Variants in TMEM178B observed in about 807,000 individuals in gnomAD.
TMEM178B encodes the protein transmembrane protein 178B.
A neutral mutation model predicts 31.0 loss-of-function variants in TMEM178B; 5 were observed. The ratio of observed to expected loss-of-function variants is 0.16; its 90% confidence interval spans 0.08 to 0.34. The LOEUF is 0.34. Ranked by LOEUF, TMEM178B falls within the 10% of genes least tolerant of loss-of-function variation. TMEM178B has a pLI of 1.00. For synonymous variants in TMEM178B, 164 were observed against 164.0 expected (o/e 1.00, Z 0.00); for missense variants, 275 against 400.3 (o/e 0.69, Z 2.67).
chr7:141,363,128 C>T (rs1158867642), intron 2 of TMEM178B, among the ~76,000 whole-genome samples: 1 of 152,118 alleles, frequency 6.6e-6, no homozygotes, highest in South Asian at 2.1e-4. Flanking sequence ...GGCCCTAACA[C>T]CAAATAGCTC....
chr7:141,401,886 C>T lies in TMEM178B; in HGVS notation c.497-35722C>T, dbSNP rs77832507. Among the ~76,000 whole-genome samples, 296 of 152,286 alleles carry T rather than the reference C, an allele frequency of 1.9e-3. 2 individuals are homozygous for T. The East Asian group carries it at 0.041, about 21-fold the overall frequency. ...CAAAAATCGAACCAACGTGCACTCCCCTAAAACATCAGATAACTCCGGGTA... is the reference window on the plus strand; with the variant it reads ...CAAAAATCGAACCAACGTGCACTCCTCTAAAACATCAGATAACTCCGGGTA... On this transcript the variant is annotated intron_variant, in intron 2 of 3. Transcript: ENST00000565468.
intron 2 of TMEM178B, among the ~76,000 whole-genome samples, chr7:141,327,870 A>G (rs192429262): frequency 3.2e-4 from 49 of 152,318 alleles, no homozygotes; most frequent in Admixed American, 8.5e-4. Context: ...ACATCCATAT[A>G]GAGTGTGTGT....
At chr7:141,208,195 TTAAA>T (rs34234324) in intron 1 of TMEM178B, among the ~76,000 whole-genome samples, 96,443 of 149,740 alleles carry the variant, frequency 0.64, 31,604 homozygotes, top group Non-Finnish European at 0.69. Flanking sequence ...CCAGTCTCTT[TTAAA>T]TAAATAAATA....
intron 2 of TMEM178B, among the ~76,000 whole-genome samples, chr7:141,213,615 A>G (rs1277385276): frequency 6.6e-6 from 1 of 152,186 alleles, no homozygotes; most frequent in South Asian, 2.1e-4. Context: ...TTTATTGGTA[A>G]ACTTTGAAGA....
chr7:141,233,315 G>A (rs949726691), intron 2 of TMEM178B, among the ~76,000 whole-genome samples: 1 of 152,256 alleles, frequency 6.6e-6, no homozygotes, highest in Non-Finnish European at 1.5e-5. Flanking sequence ...AAGAATGTGA[G>A]AGTGGTTGTT....
intron 2 of TMEM178B, among the ~76,000 whole-genome samples, chr7:141,311,359 T>C (rs1406021920): frequency 1.3e-5 from 2 of 152,252 alleles, no homozygotes; most frequent in African/African-American, 4.8e-5. Flanking sequence ...GTTTTAATTT[T>C]AAATTAGTAG....
intron 3 of TMEM178B, among the ~76,000 whole-genome samples, chr7:141,451,368 C>T (rs1268102470): frequency 3.9e-5 from 6 of 152,198 alleles, no homozygotes; most frequent in East Asian, 1.9e-4. Context: ...TTTAATACTG[C>T]GTGCTCAGTT....
chr7:141,080,138 A>G lies in TMEM178B; in HGVS notation c.382+5446A>G, dbSNP rs1357104586. On this transcript the variant is annotated intron_variant, in intron 1 of 3. Coordinates refer to ENST00000565468, the MANE Select transcript of TMEM178B (RefSeq NM_001195278.2). ...TTTTGAAGCTCACTGACCAAAGTGC[A>G]TACACATTTTGTCATATAACTTTTG... 3.3e-5 allele frequency among the ~76,000 whole-genome samples: 5 copies of G among 152,264 alleles called. No homozygotes were observed. In the East Asian group the frequency reaches 5.8e-4, roughly 18 times the overall value.
At chr7:141,402,319 G>A (rs369196195) in intron 2 of TMEM178B, among the ~76,000 whole-genome samples, 1 of 152,246 alleles carries the variant, frequency 6.6e-6, no homozygotes, top group Admixed American at 6.5e-5. Flanking sequence ...CTTGTCTGGT[G>A]TGTGGTATTG....
At chr7:141,130,434 AT>A (rs1795575754) in intron 1 of TMEM178B, among the ~76,000 whole-genome samples, 1 of 152,174 alleles carries the variant, frequency 6.6e-6, no homozygotes, top group African/African-American at 2.4e-5. Flanking sequence ...ATAGTATGTG[AT>A]CTTTTATGTT....
At chr7:141,086,075 C>T (rs902873160) in intron 1 of TMEM178B, among the ~76,000 whole-genome samples, 2 of 152,046 alleles carry the variant, frequency 1.3e-5, no homozygotes, top group Admixed American at 6.5e-5. Flanking sequence ...CTTACTCTGT[C>T]GCTCAGGCTG....
intron 3 of TMEM178B, among the ~76,000 whole-genome samples, chr7:141,446,181 G>A (rs1196012596): frequency 6.6e-6 from 1 of 152,130 alleles, no homozygotes; most frequent in Non-Finnish European, 1.5e-5. Flanking sequence ...CAGCAGGAGG[G>A]CCTCATTTTC....
the TMEM178B span, among the ~76,000 whole-genome samples, chr7:141,487,554 A>G: frequency 2.0e-5 from 3 of 151,976 alleles, no homozygotes; most frequent in African/African-American, 4.8e-5. Flanking sequence ...AGCCTGGCCA[A>G]CATAGTGAAA....
At chr7:141,274,935 C>T (rs1192590562) in intron 2 of TMEM178B, among the ~76,000 whole-genome samples, 1 of 152,152 alleles carries the variant, frequency 6.6e-6, no homozygotes, top group African/African-American at 2.4e-5. Flanking sequence ...CGAGTGAAGT[C>T]CCAAAAACAT....
intron 2 of TMEM178B, among the ~76,000 whole-genome samples, chr7:141,278,124 G>A (rs1469089416): frequency 6.6e-6 from 1 of 152,212 alleles, no homozygotes; most frequent in African/African-American, 2.4e-5. Flanking sequence ...GATGACTACA[G>A]TCTCATAGAT....
the TMEM178B span, among the ~76,000 whole-genome samples, chr7:141,493,487 GA>G: frequency 6.6e-5 from 10 of 152,054 alleles, no homozygotes; most frequent in Non-Finnish European, 1.5e-4. Flanking sequence ...AGCTCATGGA[GA>G]AAATAGAGAC....
chr7:141,353,955 C>A (rs1356628982), intron 2 of TMEM178B, among the ~76,000 whole-genome samples: 2 of 152,214 alleles, frequency 1.3e-5, no homozygotes, highest in Non-Finnish European at 2.9e-5. Flanking sequence ...TTGAGAAAGT[C>A]TCATTCTCTC....
chr7:141,153,555 G>T (rs549955638), intron 1 of TMEM178B, among the ~76,000 whole-genome samples: 1 of 152,280 alleles, frequency 6.6e-6, no homozygotes, highest in East Asian at 1.9e-4. Context: ...TTTTCCTGAA[G>T]ATTTACACTA....
intron 2 of TMEM178B, among the ~76,000 whole-genome samples, chr7:141,369,479 G>A (rs1276984437): frequency 2.6e-5 from 4 of 151,992 alleles, no homozygotes; most frequent in Non-Finnish European, 5.9e-5. Flanking sequence ...AGGGTTTCTG[G>A]GCTTCTCCAG....
Sources: allele counts gnomAD v4.1 joint callset (sites outside exome capture counted in the v4.1 genomes callset), GRCh38; gene constraint gnomAD v4.1.1; transcripts MANE v1.5; gene names NCBI Gene and HGNC (gene_info 2026-07-23, HGNC 2026-07-21).